Variants in RYR2 observed in about 807,000 individuals in gnomAD.
The protein encoded by RYR2 is cardiac muscle ryanodine receptor-calcium release channel.
Under a neutral mutation model 601.1 loss-of-function variants are expected in RYR2, and 227 were observed. That is an observed-to-expected ratio of 0.38 (90% confidence interval 0.34 to 0.42). RYR2 has a LOEUF of 0.42. Ranked by LOEUF, RYR2 falls within the 10% of genes least tolerant of loss-of-function variation. The probability of loss-of-function intolerance (pLI) is 1.00; values close to 1 mark genes in which losing one functional copy is unlikely to be tolerated. For missense variants in RYR2, 4,646 were observed against 6,156.5 expected (o/e 0.75, Z 8.21); for synonymous variants, 2,223 against 2,175.1 (o/e 1.02, Z -0.61).
At chr1:237,718,244 T>G (rs12080609) in intron 72 of RYR2, among the ~76,000 whole-genome samples, 1 of 152,226 alleles carries the variant, frequency 6.6e-6, no homozygotes, top group African/African-American at 2.4e-5. Flanking sequence ...AATTTCAATG[T>G]CCTTACTGTG....
intron 3 of RYR2, among the ~76,000 whole-genome samples, chr1:237,355,174 C>A (rs1216998609): frequency 6.6e-6 from 1 of 152,092 alleles, no homozygotes; most frequent in Non-Finnish European, 1.5e-5. Flanking sequence ...ACAATTCCCA[C>A]AGGACACCAA....
At chr1:237,684,866 G>T (rs747188817) in intron 62 of RYR2, among the ~76,000 whole-genome samples, 60 of 150,708 alleles carry the variant, frequency 4.0e-4, no homozygotes, top group Non-Finnish European at 8.1e-4. Flanking sequence ...ATACCCTGGA[G>T]AATTATTACA....
intron 28 of RYR2, among the ~76,000 whole-genome samples, chr1:237,568,254 T>A (rs1465106126): frequency 1.3e-5 from 2 of 152,154 alleles, no homozygotes. Flanking sequence ...TAAACTTTTT[T>A]AAAAAGACAG....
intron 1 of RYR2, among the ~76,000 whole-genome samples, chr1:237,104,088 C>T (rs1454991500): frequency 6.6e-6 from 1 of 152,152 alleles, no homozygotes; most frequent in Non-Finnish European, 1.5e-5. Context: ...CATCATTTCT[C>T]CTCTGGACCA....
intron 2 of RYR2, among the ~76,000 whole-genome samples, chr1:237,295,008 G>A (rs1692611704): frequency 6.6e-6 from 1 of 152,104 alleles, no homozygotes; most frequent in Non-Finnish European, 1.5e-5. Flanking sequence ...GAGGCTAGGA[G>A]TTCAATACCA....
At chr1:237,114,461 T>C (rs1344473587) in intron 1 of RYR2, among the ~76,000 whole-genome samples, 1 of 152,230 alleles carries the variant, frequency 6.6e-6, no homozygotes, top group Admixed American at 6.5e-5. Context: ...TAAAGAAGTT[T>C]GTATTTCAGA....
chr1:237,330,441 G>C (rs980633650), intron 2 of RYR2, among the ~76,000 whole-genome samples: 1 of 152,214 alleles, frequency 6.6e-6, no homozygotes, highest in African/African-American at 2.4e-5. Flanking sequence ...GGTCTGGAGG[G>C]CAGTGGTGTG....
At chr1:237,416,242 G>A (rs1704968926) in intron 10 of RYR2, among the ~76,000 whole-genome samples, 1 of 152,146 alleles carries the variant, frequency 6.6e-6, no homozygotes, top group East Asian at 1.9e-4. Context: ...TATTACTGCT[G>A]TCTGTGAGGC....
At chr1:237,110,101 G>A (rs1669284690) in intron 1 of RYR2, among the ~76,000 whole-genome samples, 1 of 151,930 alleles carries the variant, frequency 6.6e-6, no homozygotes, top group South Asian at 2.1e-4. Flanking sequence ...GGCCCATAGA[G>A]TTAAGTTTTC....
chr1:237,183,374 G>A lies in RYR2; in HGVS notation c.49-87123G>A, dbSNP rs573477329. Among the ~76,000 whole-genome samples, 3 of 152,294 alleles carry A rather than the reference G, an allele frequency of 2.0e-5. 1 individual carries two copies. The highest frequency in any genetic ancestry group is 7.2e-5 in the African/African-American group (3 of 41,566). On this transcript the variant is annotated intron_variant, in intron 1 of 104. Transcript: ENST00000366574. The stretch of plus-strand genomic sequence containing the variant: ...AGAAAGAGGAATTTAGAAGGAGGCT[G>A]GCTTTCAGTGTATAAAGAAGGCAGT...
intron 17 of RYR2, among the ~76,000 whole-genome samples, chr1:237,474,234 T>C (rs1292904531): frequency 6.9e-6 from 1 of 144,200 alleles, no homozygotes; most frequent in Admixed American, 6.9e-5. Context: ...TCTATACATA[T>C]ATATGTATAG....
intron 26 of RYR2, among the ~76,000 whole-genome samples, chr1:237,549,923 A>G (rs1670210559): frequency 6.6e-6 from 1 of 151,760 alleles, no homozygotes; most frequent in East Asian, 1.9e-4. Context: ...TAGCCTGTTC[A>G]CTCTCTCTGT....
At chr1:237,623,950 G>T in intron 39 of RYR2, 80 bp downstream of exon 39, 1 of 914,970 alleles carries the variant, frequency 1.1e-6, no homozygotes, top group Non-Finnish European at 1.8e-6. Context: ...AAGTGTATAT[G>T]CGAATATTTT....
At chr1:237,108,660 C>T (rs768208239) in intron 1 of RYR2, among the ~76,000 whole-genome samples, 3 of 152,168 alleles carry the variant, frequency 2.0e-5, no homozygotes, top group Non-Finnish European at 2.9e-5. Context: ...TGTGTAGGGG[C>T]GTGGAGGCTG....
chr1:237,532,902 G>A (rs1345872354), intron 25 of RYR2, among the ~76,000 whole-genome samples: 1 of 152,130 alleles, frequency 6.6e-6, no homozygotes, highest in South Asian at 2.1e-4. Flanking sequence ...GTATTTTTCT[G>A]TTGAAACAAA....
At chr1:237,717,007 A>G (rs978345610) in intron 71 of RYR2, among the ~76,000 whole-genome samples, 191 bp from the exon 72 acceptor site, 1 of 152,138 alleles carries the variant, frequency 6.6e-6, no homozygotes, top group Non-Finnish European at 1.5e-5. Flanking sequence ...TAGGAATCTG[A>G]GGGTAGGACT....
intron 2 of RYR2, among the ~76,000 whole-genome samples, chr1:237,303,290 A>ATTT (rs1693542952): frequency 2.7e-5 from 3 of 110,556 alleles, no homozygotes; most frequent in Admixed American, 8.7e-5. Flanking sequence ...CTCTGCGGTT[A>ATTT]TCTTTTTTTT....
intron 1 of RYR2, among the ~76,000 whole-genome samples, chr1:237,127,372 C>T (rs1482343061): frequency 4.7e-5 from 7 of 149,842 alleles, no homozygotes; most frequent in African/African-American, 4.9e-5. Flanking sequence ...TGGGCAGAGG[C>T]GCCCCTCACC....
intron 58 of RYR2, among the ~76,000 whole-genome samples, chr1:237,669,873 T>C (rs1684743154): frequency 6.7e-6 from 1 of 149,274 alleles, no homozygotes; most frequent in Admixed American, 6.6e-5. Context: ...CGCTCCTCAC[T>C]TCCCAGACGG....
Sources: gnomAD v4.1 joint callset for allele counts (sites outside exome capture counted in the v4.1 genomes callset) on GRCh38, gnomAD v4.1.1 for gene constraint, MANE v1.5 for transcripts, NCBI Gene and HGNC (gene_info 2026-07-23, HGNC 2026-07-21) for gene names.